SNRPN: variants seen among roughly 807,000 people sequenced by gnomAD.
The protein encoded by SNRPN is small nuclear ribonucleoprotein-associated protein N.
In SNRPN, 7 loss-of-function variants were observed where a neutral mutation model predicts 25.2. That is an observed-to-expected ratio of 0.28 (90% CI 0.16 to 0.52). The LOEUF is 0.52. Among genes scored for constraint, SNRPN ranks in the 20% least tolerant of loss-of-function variants. The pLI, the probability that SNRPN is intolerant of heterozygous loss-of-function variation, is 0.96. For missense variants in SNRPN, 196 were observed against 322.5 expected, an observed-to-expected ratio of 0.61 and a Z score of 3.00; for synonymous variants, 124 against 110.6, an observed-to-expected ratio of 1.12 and a Z score of -0.76.
At chr15:24,909,475 G>C in intron 2 of SNRPN, 1 of 1,576,116 alleles carries the variant, frequency 6.3e-7, no homozygotes. Context: ...CATAGATCTT[G>C]TCCATGCCAA....
intron 2 of SNRPN, chr15:24,909,466 A>C: frequency 1.3e-6 from 2 of 1,582,546 alleles, no homozygotes; most frequent in South Asian, 1.1e-5. Context: ...CTTGGCCTTC[A>C]TAGATCTTGT....
chr15:24,934,233 G>A (rs2152925645), intron 3 of SNRPN, among the ~76,000 whole-genome samples: 1 of 152,172 alleles, frequency 6.6e-6, no homozygotes, highest in East Asian at 1.9e-4. Context: ...GGGAGGCGGA[G>A]GTTGCAGTGA....
chr15:24,909,404 C>T, intron 2 of SNRPN: 1 of 1,597,700 alleles, frequency 6.3e-7, no homozygotes, highest in Non-Finnish European at 8.5e-7. Flanking sequence ...GGTAAAGGCA[C>T]TTGGCTGACC....
chr15:24,834,190 C>T (rs971936403), intron 2 of SNRPN, among the ~76,000 whole-genome samples: 1 of 152,148 alleles, frequency 6.6e-6, no homozygotes, highest in Non-Finnish European at 1.5e-5. Context: ...TCCCAAAGTG[C>T]TGGGATTACA....
chr15:24,855,276 G>A (rs1290505126), upstream of SNRPN, among the ~76,000 whole-genome samples: 1 of 152,072 alleles, frequency 6.6e-6, no homozygotes, highest in Admixed American at 6.6e-5. Context: ...TTAATCTACA[G>A]GTTTTATGGA....
chr15:24,931,322 A>C (rs2060837544), intron 3 of SNRPN, among the ~76,000 whole-genome samples: 1 of 152,178 alleles, frequency 6.6e-6, no homozygotes, highest in African/African-American at 2.4e-5. Context: ...GCTGGGTATT[A>C]GTTATAGTGG....
intron 4 of SNRPN, chr15:24,974,895 A>T: frequency 1.4e-6 from 1 of 702,706 alleles, no homozygotes. Flanking sequence ...GAGAAAATAC[A>T]GGAGTTTTTG....
At chr15:24,902,411 C>G (rs769556886) in intron 2 of SNRPN, among the ~76,000 whole-genome samples, 71 of 152,164 alleles carry the variant, frequency 4.7e-4, no homozygotes, top group Non-Finnish European at 8.5e-4. Flanking sequence ...AAATATATAT[C>G]AGGGAAGAAA....
Position 24,910,588 on chromosome 15 carries a change from G to A in SNRPN, c.-504-9423G>A, listed in dbSNP as rs150219477. Among the ~76,000 whole-genome samples, 63 of 152,100 alleles carry A rather than the reference G, an allele frequency of 4.1e-4. No individual in the cohort carries two copies. The East Asian group carries it at 7.6e-3, about 18-fold the overall frequency. On this transcript the variant is annotated intron_variant, in intron 2 of 11. Transcript: ENST00000400097. Reference sequence around the variant, plus strand: ...CTCACTGCAACCTCTGCCTCCTCCCGGGTTCAAGTGATTCTCCTGACTCAG... The same window carrying A: ...CTCACTGCAACCTCTGCCTCCTCCCAGGTTCAAGTGATTCTCCTGACTCAG...
At chr15:24,831,522 A>G (rs1350489296) in intron 2 of SNRPN, among the ~76,000 whole-genome samples, 4 of 151,996 alleles carry the variant, frequency 2.6e-5, no homozygotes, top group African/African-American at 4.8e-5. Flanking sequence ...ATTTTTCATA[A>G]TGCAATTTAT....
intron 1 of SNRPN, among the ~76,000 whole-genome samples, chr15:24,959,826 A>G (rs1321780830): frequency 2.6e-5 from 4 of 152,226 alleles, no homozygotes; most frequent in African/African-American, 7.2e-5. Context: ...GAATAATGCT[A>G]CTAGGAACAC....
At chr15:24,958,499 T>G (rs1368663639) in intron 1 of SNRPN, among the ~76,000 whole-genome samples, 3 of 133,056 alleles carry the variant, frequency 2.3e-5, no homozygotes, top group South Asian at 2.7e-4. Flanking sequence ...TTTTTTTTTT[T>G]TTTTTTTTTT....
intron 3 of SNRPN, among the ~76,000 whole-genome samples, chr15:24,937,873 T>C (rs746309609): frequency 1.2e-4 from 19 of 152,250 alleles, no homozygotes; most frequent in Non-Finnish European, 2.2e-4. Flanking sequence ...ACAGTATTTG[T>C]CCTTTTGTGA....
At chr15:24,914,574 A>C (rs1396937434) in intron 2 of SNRPN, among the ~76,000 whole-genome samples, 1 of 152,078 alleles carries the variant, frequency 6.6e-6, no homozygotes, top group Non-Finnish European at 1.5e-5. Context: ...AAATAAAAAA[A>C]ATTAAAACCT....
Position 24,842,241 on chromosome 15 carries a change from CAG to C in SNRPN, c.-579+12339_-579+12340del, listed in dbSNP as rs149909450. Among the ~76,000 whole-genome samples the C allele has an allele frequency of 3.5e-3, 533 of 152,258 alleles. 21 individuals are homozygous for C. The East Asian group carries it at 0.08, about 23-fold the overall frequency. ...AATCCCAAGGGAGGACTCCACCACA[CAG>C]AGGACAGCAAAGGTCATCACTATAC... is the stretch of plus-strand genomic sequence containing the variant. On this transcript the variant is annotated intron_variant, in intron 2 of 12. Transcript: ENST00000400100.
In SNRPN at chr15:24,969,255, A is replaced by G. The variant is rs561593909; in HGVS notation, c.-144+1173A>G. On this transcript the variant is annotated intron_variant, in intron 3 of 9. Transcript: ENST00000390687. ...CTGATTTTCCTGCCTCAGCCTCCCA[A>G]GTATCTGGGATTATAGGCACCCACC... Among the ~76,000 whole-genome samples, 403 of 152,070 alleles carry G rather than the reference A, an allele frequency of 2.7e-3. 8 individuals are homozygous for G. The South Asian group carries it at 0.047, about 18-fold the overall frequency.
chr15:24,855,989 A>T (rs2053347470), upstream of SNRPN, among the ~76,000 whole-genome samples: 1 of 152,130 alleles, frequency 6.6e-6, no homozygotes, highest in Non-Finnish European at 1.5e-5. Context: ...AGAAAAATTC[A>T]CATTTCCCCA....
intron 1 of SNRPN, among the ~76,000 whole-genome samples, chr15:24,876,119 C>G (rs907733929): frequency 5.3e-5 from 8 of 151,862 alleles, no homozygotes; most frequent in African/African-American, 1.9e-4. Context: ...AACACTCTTT[C>G]TACTTGCTAA....
upstream of SNRPN, among the ~76,000 whole-genome samples, chr15:24,852,899 G>A (rs968643202): frequency 1.6e-4 from 25 of 152,030 alleles, no homozygotes; most frequent in Non-Finnish European, 2.5e-4. Context: ...GTGCCATAGC[G>A]CTCCAACCTG....
Sources: allele counts gnomAD v4.1 joint callset (sites outside exome capture counted in the v4.1 genomes callset), GRCh38; gene constraint gnomAD v4.1.1; transcripts MANE v1.5; gene names NCBI Gene and HGNC (gene_info 2026-07-23, HGNC 2026-07-21).